PPM1D: variants seen among roughly 807,000 people sequenced by gnomAD.
PPM1D encodes the protein protein phosphatase 1D.
Under a neutral mutation model 58.3 loss-of-function variants are expected in PPM1D, and 52 were observed. The observed-to-expected ratio is 0.89, with a 90% CI of 0.71 to 1.12. PPM1D has a LOEUF of 1.12. Ranked by LOEUF, PPM1D falls within the 50% of genes most tolerant of loss-of-function variation. The pLI, the probability that PPM1D is intolerant of heterozygous loss-of-function variation, is 0.00. For synonymous variants in PPM1D, 278 were observed against 285.1 expected (o/e 0.98, Z 0.25); for missense variants, 564 against 777.2 (o/e 0.73, Z 3.26).
chr17:60,631,076 C>G (rs940654711), intron 2 of PPM1D, among the ~76,000 whole-genome samples: 2 of 152,234 alleles, frequency 1.3e-5, no homozygotes, highest in African/African-American at 4.8e-5. Context: ...GGCATGGTGG[C>G]TCACGCCTGT....
At chr17:60,644,906 T>TAA (rs1399073566) in intron 3 of PPM1D, among the ~76,000 whole-genome samples, 1 of 152,202 alleles carries the variant, frequency 6.6e-6, no homozygotes, top group African/African-American at 2.4e-5. Context: ...ACAAACTGTG[T>TAA]TTAAGATTTA....
chr17:60,609,233 A>G (rs1158205008), intron 1 of PPM1D, among the ~76,000 whole-genome samples: 2 of 151,758 alleles, frequency 1.3e-5, no homozygotes, highest in Admixed American at 1.3e-4. Context: ...AGCTGGAATT[A>G]CAGGCGCGCA....
intron 1 of PPM1D, among the ~76,000 whole-genome samples, chr17:60,618,003 T>C (rs1206879626): frequency 6.6e-6 from 1 of 152,262 alleles, no homozygotes; most frequent in East Asian, 1.9e-4. Flanking sequence ...TTCACCACTT[T>C]TCTCTAAACA....
intron 2 of PPM1D, among the ~76,000 whole-genome samples, chr17:60,626,781 C>T (rs978648933): frequency 2.6e-5 from 4 of 152,098 alleles, no homozygotes; most frequent in African/African-American, 9.7e-5. Flanking sequence ...TAGGCTCAAG[C>T]GATCCTCCCA....
At chr17:60,645,482 G>GTGTA (rs1555647642) in intron 3 of PPM1D, among the ~76,000 whole-genome samples, 7 of 138,486 alleles carry the variant, frequency 5.1e-5, no homozygotes, top group African/African-American at 1.8e-4. Context: ...GTGTGTGTGT[G>GTGTA]TGTGTGTGTG....
At chr17:60,606,476 T>C (rs146206667) in intron 1 of PPM1D, among the ~76,000 whole-genome samples, 120 of 152,282 alleles carry the variant, frequency 7.9e-4, no homozygotes, top group Non-Finnish European at 1.4e-3. Flanking sequence ...TGCCAAACTG[T>C]TTACACAGCA....
chr17:60,655,709 T>C (rs943369663), intron 4 of PPM1D, among the ~76,000 whole-genome samples: 6 of 112,504 alleles, frequency 5.3e-5, no homozygotes, highest in African/African-American at 3.9e-4. Context: ...TCTTTCTTTC[T>C]TTTTTTTTTT....
At position 60,631,123 on chromosome 17, in the gene PPM1D, G is replaced by A. The variant is rs142022610; in HGVS notation, c.702-2730G>A. 9.9e-3 allele frequency among the ~76,000 whole-genome samples: 1,500 copies of A among 151,370 alleles called. 18 individuals carry two copies. The highest frequency in any genetic ancestry group is 0.035 in the African/African-American group (1,427 of 41,254). ...GTTGGGAGGCCCGGATGGGAGGATG[G>A]CTTGAGCCCAGGAGTTTAAGACCAG... On this transcript the variant is annotated intron_variant, in intron 2 of 5. Transcript: ENST00000305921.
At position 60,663,349 on chromosome 17, in the gene PPM1D, G is replaced by T. The variant is rs1254993767; in HGVS notation, c.1615G>T (p.Glu539Ter). 2 of 1,614,154 alleles carry T rather than the reference G, an allele frequency of 1.2e-6. No individual in the cohort carries two copies. The highest frequency in any genetic ancestry group is 1.7e-6 in the Non-Finnish European group (2 of 1,180,022). ...TPPTNFKRTL[E>*]ESNSGPLMKK... ...TCCAACAAACTTTAAAAGGACATTA[G>T]AAGAGTCCAATTCTGGCCCCCTGAT... Residue 539 changes from glutamate (E) to a stop codon, truncating the protein, a stop_gained, in exon 6 of 6, where the codon GAA becomes TAA. Coordinates refer to ENST00000305921, the MANE Select transcript of PPM1D (RefSeq NM_003620.4). LOFTEE classifies it high-confidence loss of function.
At chr17:60,656,975 T>G (rs748899340) in intron 5 of PPM1D, 134 bp downstream of exon 5, 3 of 1,574,956 alleles carry the variant, frequency 1.9e-6, no homozygotes, top group Non-Finnish European at 1.7e-6. Context: ...TGTAACTTAT[T>G]ATCAGAGAGC....
At chr17:60,643,801 C>T (rs180899823) in intron 3 of PPM1D, among the ~76,000 whole-genome samples, 13 of 152,056 alleles carry the variant, frequency 8.5e-5, no homozygotes, top group Non-Finnish European at 1.2e-4. Context: ...CGTTCATGAA[C>T]CCCTGTAGAG....
At chr17:60,615,637 G>GT (rs1174979996) in intron 1 of PPM1D, among the ~76,000 whole-genome samples, 1 of 149,462 alleles carries the variant, frequency 6.7e-6, no homozygotes, top group African/African-American at 2.5e-5. Context: ...TGCTACTAAA[G>GT]TTCCTTTGGA....
intron 1 of PPM1D, among the ~76,000 whole-genome samples, chr17:60,617,351 T>A (rs2030605763): frequency 6.6e-6 from 1 of 151,888 alleles, no homozygotes; most frequent in African/African-American, 2.4e-5. Context: ...TTTTTGTTTG[T>A]TTGTTTTTTA....
At chr17:60,631,396 T>C (rs891444885) in intron 2 of PPM1D, among the ~76,000 whole-genome samples, 2 of 152,030 alleles carry the variant, frequency 1.3e-5, no homozygotes, top group Non-Finnish European at 2.9e-5. Context: ...ACTAGCACTT[T>C]GGGAGGCTGA....
intron 1 of PPM1D, among the ~76,000 whole-genome samples, chr17:60,613,894 C>G (rs1342364467): frequency 1.4e-5 from 2 of 143,366 alleles, no homozygotes; most frequent in East Asian, 2.2e-4. Context: ...CCTGAGGCCC[C>G]CCCCCCGCCA....
intron 2 of PPM1D, among the ~76,000 whole-genome samples, chr17:60,633,215 G>A (rs1436448639): frequency 6.6e-6 from 1 of 152,112 alleles, no homozygotes; most frequent in Non-Finnish European, 1.5e-5. Context: ...AACCCAGGAG[G>A]TGGAGGTTGT....
intron 3 of PPM1D, among the ~76,000 whole-genome samples, chr17:60,636,479 T>A (rs1017840069): frequency 6.6e-6 from 1 of 152,176 alleles, no homozygotes; most frequent in Non-Finnish European, 1.5e-5. Flanking sequence ...GGACACATAC[T>A]GTGTTAGAAA....
At chr17:60,643,106 C>G (rs887586399) in intron 3 of PPM1D, among the ~76,000 whole-genome samples, 3 of 148,750 alleles carry the variant, frequency 2.0e-5, no homozygotes, top group African/African-American at 7.4e-5. Context: ...ACTTATGTCT[C>G]TAATCCCAGC....
intron 1 of PPM1D, among the ~76,000 whole-genome samples, chr17:60,620,730 G>C (rs1257681519): frequency 6.6e-6 from 1 of 151,988 alleles, no homozygotes; most frequent in Admixed American, 6.6e-5. Flanking sequence ...GGCTGGTCTA[G>C]AACTCCTGAC....
Sources: gnomAD v4.1 joint callset for allele counts (sites outside exome capture counted in the v4.1 genomes callset) on GRCh38, gnomAD v4.1.1 for gene constraint, MANE v1.5 for transcripts, NCBI Gene and HGNC (gene_info 2026-07-23, HGNC 2026-07-21) for gene names.